The following DOCK3 variants were observed in gnomAD, a reference collection of about 807,000 sequenced individuals.
DOCK3 encodes the protein dedicator of cytokinesis protein 3.
In DOCK3, 60 loss-of-function variants were observed where a neutral mutation model predicts 265.6. The ratio of observed to expected loss-of-function variants is 0.23; its 90% confidence interval spans 0.18 to 0.28. The LOEUF (loss-of-function observed/expected upper bound fraction) is 0.28. Ranked by LOEUF, DOCK3 falls within the 10% of genes least tolerant of loss-of-function variation. The probability of loss-of-function intolerance (pLI) is 1.00; values close to 1 mark genes in which losing one functional copy is unlikely to be tolerated. For synonymous variants in DOCK3, 881 were observed against 938.0 expected (o/e 0.94, Z 1.11); for missense variants, 1,981 against 2,594.3 (o/e 0.76, Z 5.14).
chr3:51,053,076 A>ATATATATAT (rs1559993850), intron 5 of DOCK3, among the ~76,000 whole-genome samples: 11 of 34,568 alleles, frequency 3.2e-4, no homozygotes, highest in Non-Finnish European at 6.1e-4. Flanking sequence ...AAAAAAGTCA[A>ATATATATAT]AGATATATAT....
At chr3:51,027,398 A>T (rs564502009) in intron 5 of DOCK3, among the ~76,000 whole-genome samples, 1 of 151,854 alleles carries the variant, frequency 6.6e-6, no homozygotes, top group African/African-American at 2.4e-5. Flanking sequence ...AGTATGTTCT[A>T]TGTATAGATG....
At chr3:50,863,668 A>G (rs1378629103) in intron 3 of DOCK3, among the ~76,000 whole-genome samples, 1 of 152,076 alleles carries the variant, frequency 6.6e-6, no homozygotes, top group African/African-American at 2.4e-5. Context: ...CTTCTTTCTG[A>G]GAAGAGCTGG....
At chr3:51,279,410 C>T (rs2080995680) in intron 26 of DOCK3, among the ~76,000 whole-genome samples, 1 of 152,168 alleles carries the variant, frequency 6.6e-6, no homozygotes, top group Admixed American at 6.5e-5. Context: ...GGAGGCCATG[C>T]TTGACTGCCT....
rs1440957111 is a variant in DOCK3 at position 51,016,683 on chromosome 3, A to T, written c.316-47765A>T. Among the ~76,000 whole-genome samples the T allele has an allele frequency of 9.1e-4, 84 of 92,330 alleles. 8 individuals carry two copies. The highest frequency in any genetic ancestry group is 1.4e-3 in the Non-Finnish European group (74 of 51,914). The allele number at this position is 92,330 out of a possible 152,430, so 60.6% of individuals were successfully genotyped here. ...TATATTATATGATATATATTTATATATCATATAATATATAAATATATATTA... is the reference window on the plus strand; with the variant it reads ...TATATTATATGATATATATTTATATTTCATATAATATATAAATATATATTA... On this transcript the variant is annotated intron_variant, in intron 5 of 52. Coordinates refer to ENST00000266037, the MANE Select transcript of DOCK3 (RefSeq NM_004947.5).
intron 1 of DOCK3, among the ~76,000 whole-genome samples, chr3:50,737,451 A>C (rs1011023092): frequency 1.3e-5 from 2 of 152,184 alleles, no homozygotes; most frequent in Non-Finnish European, 2.9e-5. Flanking sequence ...CTCATGATTC[A>C]ATCACCTCCC....
chr3:51,039,837 A>G (rs974600297), intron 5 of DOCK3, among the ~76,000 whole-genome samples: 3 of 147,874 alleles, frequency 2.0e-5, no homozygotes, highest in Non-Finnish European at 3.0e-5. Context: ...CTGAATAGAA[A>G]TGTAATCACC....
intron 5 of DOCK3, among the ~76,000 whole-genome samples, chr3:51,010,927 T>C (rs933470686): frequency 3.3e-5 from 5 of 152,202 alleles, no homozygotes; most frequent in Non-Finnish European, 7.3e-5. Context: ...TTCTTTCCTT[T>C]AAGAATGTTG....
chr3:51,323,914 A>C (rs1194383885), intron 32 of DOCK3, among the ~76,000 whole-genome samples: 1 of 152,052 alleles, frequency 6.6e-6, no homozygotes, highest in African/African-American at 2.4e-5. Flanking sequence ...TTTTGAAAAG[A>C]TCAACAAAAT....
chr3:51,142,003 T>C (rs2107204247), intron 9 of DOCK3, among the ~76,000 whole-genome samples: 1 of 152,088 alleles, frequency 6.6e-6, no homozygotes, highest in Middle Eastern at 3.4e-3. Flanking sequence ...TTATTTCCTG[T>C]CTGTGATAAA....
intron 6 of DOCK3, among the ~76,000 whole-genome samples, chr3:51,070,229 A>G (rs2081799342): frequency 6.6e-6 from 1 of 152,188 alleles, no homozygotes; most frequent in Non-Finnish European, 1.5e-5. Context: ...ATCAATTGAT[A>G]TTTGTTTCCT....
intron 4 of DOCK3, among the ~76,000 whole-genome samples, chr3:50,925,241 G>A (rs2050696902): frequency 6.6e-6 from 1 of 152,184 alleles, no homozygotes; most frequent in African/African-American, 2.4e-5. Flanking sequence ...ACTCTTGCAT[G>A]AGCATCAAAA....
intron 19 of DOCK3, among the ~76,000 whole-genome samples, chr3:51,231,121 C>CTTTTTTTTTTTTTTT (rs754271357): frequency 3.7e-4 from 29 of 77,736 alleles, no homozygotes; most frequent in South Asian, 5.6e-4. Flanking sequence ...TATTTTTTGA[C>CTTTTTTTTTTTTTTT]TTTTTTTTTT....
intron 5 of DOCK3, among the ~76,000 whole-genome samples, chr3:50,999,903 A>G (rs2078414681): frequency 6.6e-6 from 1 of 152,190 alleles, no homozygotes; most frequent in Admixed American, 6.5e-5. Flanking sequence ...ATTGAATGCC[A>G]TAAACTAAAA....
chr3:50,775,812 T>C lies in DOCK3; in HGVS notation c.38-2863T>C, dbSNP rs1178140875. 3.3e-5 allele frequency among the ~76,000 whole-genome samples: 5 copies of C among 150,354 alleles called. No individual in the cohort carries two copies. The Admixed American group carries it at 3.4e-4, about 10-fold the overall frequency. ...TGTCTTTGTGTCCTCATAGCGTAGC[T>C]CCCACTTATAGATGAGAACATATGG... On this transcript the variant is annotated intron_variant, in intron 1 of 52. Coordinates refer to ENST00000266037, the MANE Select transcript of DOCK3 (RefSeq NM_004947.5).
chr3:50,987,113 G>A (rs1246356782), intron 5 of DOCK3, among the ~76,000 whole-genome samples: 1 of 152,164 alleles, frequency 6.6e-6, no homozygotes, highest in Non-Finnish European at 1.5e-5. Context: ...ACATGACAAG[G>A]GATATGTGTG....
chr3:50,694,299 A>G lies in DOCK3; in HGVS notation c.37+18999A>G, dbSNP rs1315945895. 3.9e-5 allele frequency among the ~76,000 whole-genome samples: 6 copies of G among 152,142 alleles called. 1 individual carries two copies. Among genetic ancestry groups the G allele is most frequent in the Admixed American group, 1.3e-4 (2 of 15,274 alleles). On this transcript the variant is annotated intron_variant, in intron 1 of 52. Coordinates refer to ENST00000266037, the MANE Select transcript of DOCK3 (RefSeq NM_004947.5). ...AAAACTAAAAAAAAAATAAAAATAA[A>G]AAGAATGGTAAGAGTTTCTAATACT...
chr3:51,117,559 C>G (rs1257475974), intron 9 of DOCK3, among the ~76,000 whole-genome samples: 1 of 152,088 alleles, frequency 6.6e-6, no homozygotes, highest in Admixed American at 6.5e-5. Context: ...CTCTTTATAC[C>G]TCTAGTAGAA....
At chr3:51,094,628 G>A (rs2082760777) in intron 9 of DOCK3, among the ~76,000 whole-genome samples, 1 of 151,464 alleles carries the variant, frequency 6.6e-6, no homozygotes, top group African/African-American at 2.4e-5. Context: ...TGGATTCATT[G>A]ATTTTTTTGA....
chr3:51,145,539 T>C (rs893436402), intron 9 of DOCK3, among the ~76,000 whole-genome samples: 1 of 152,192 alleles, frequency 6.6e-6, no homozygotes, highest in Non-Finnish European at 1.5e-5. Flanking sequence ...CCACGATGGC[T>C]TTGAATGCAG....
Sources: gnomAD v4.1 joint callset for allele counts (sites outside exome capture counted in the v4.1 genomes callset) on GRCh38, gnomAD v4.1.1 for gene constraint, MANE v1.5 for transcripts, NCBI Gene and HGNC (gene_info 2026-07-23, HGNC 2026-07-21) for gene names.